PRKG1: variants seen among roughly 807,000 people sequenced by gnomAD.
The protein encoded by PRKG1 is cGMP-dependent protein kinase 1.
Under a neutral mutation model 88.1 loss-of-function variants are expected in PRKG1, and 35 were observed. The ratio of observed to expected loss-of-function variants is 0.40; its 90% confidence interval spans 0.30 to 0.53. The LOEUF (loss-of-function observed/expected upper bound fraction) is 0.53, where lower values mean the gene tolerates loss of function less well. Ranked by LOEUF, PRKG1 falls within the 20% of genes least tolerant of loss-of-function variation. PRKG1 has a pLI of 0.59. For synonymous variants in PRKG1, 303 were observed against 292.5 expected, an observed-to-expected ratio of 1.04 and a Z score of -0.37; for missense variants, 540 against 839.8, an observed-to-expected ratio of 0.64 and a Z score of 4.41.
intron 1 of PRKG1, among the ~76,000 whole-genome samples, chr10:51,105,759 A>G (rs780695824): frequency 5.9e-5 from 9 of 152,192 alleles, no homozygotes; most frequent in Admixed American, 2.6e-4. Context: ...AATTACTATA[A>G]CAATCAATTT....
At chr10:51,498,126 G>A (rs529465067) in intron 3 of PRKG1, among the ~76,000 whole-genome samples, 5 of 152,178 alleles carry the variant, frequency 3.3e-5, no homozygotes, top group South Asian at 2.1e-4. Context: ...GAACCTATTC[G>A]GTGTCAAGCA....
At chr10:51,937,076 T>C (rs771805355) in intron 5 of PRKG1, among the ~76,000 whole-genome samples, 2 of 152,006 alleles carry the variant, frequency 1.3e-5, no homozygotes, top group Non-Finnish European at 2.9e-5. Context: ...AGCTTTACAC[T>C]CTAGAGTTGG....
chr10:51,680,073 C>T (rs1354128538), intron 3 of PRKG1, among the ~76,000 whole-genome samples: 1 of 152,170 alleles, frequency 6.6e-6, no homozygotes. Flanking sequence ...GGCCACAGGC[C>T]ACACACGGGC....
At chr10:51,695,425 T>C (rs908114653) in intron 3 of PRKG1, 1 of 152,178 alleles carries the variant, frequency 6.6e-6, no homozygotes, top group South Asian at 2.1e-4. Flanking sequence ...CCCATGTATA[T>C]CCAGAATGGA....
chr10:51,724,110 T>C lies in PRKG1; in HGVS notation c.593-80475T>C, dbSNP rs573847951. ...CATATTTCCAGTATTTCAAAGATCA[T>C]AGAGGGGGTAAAAAAGCAGGTGAAA... On this transcript the variant is annotated intron_variant, in intron 3 of 17. Transcript: ENST00000373980. Among the ~76,000 whole-genome samples, 11 of 152,180 alleles carry C rather than the reference T, an allele frequency of 7.2e-5. No homozygotes were observed. In the South Asian group the frequency reaches 2.1e-3, roughly 29 times the overall value.
intron 3 of PRKG1, among the ~76,000 whole-genome samples, chr10:51,550,557 C>T (rs1447179977): frequency 6.6e-6 from 1 of 151,932 alleles, no homozygotes; most frequent in Admixed American, 6.6e-5. Flanking sequence ...TGCTAGTTTT[C>T]AAACTTACCA....
At chr10:51,713,155 C>T (rs1259552300) in intron 3 of PRKG1, among the ~76,000 whole-genome samples, 1 of 152,088 alleles carries the variant, frequency 6.6e-6, no homozygotes, top group African/African-American at 2.4e-5. Flanking sequence ...ATGTTTTATT[C>T]CCCCAAAGGA....
chr10:51,464,794 G>A (rs1390103369), intron 2 of PRKG1, among the ~76,000 whole-genome samples: 2 of 149,450 alleles, frequency 1.3e-5, no homozygotes, highest in Non-Finnish European at 3.0e-5. Flanking sequence ...GGGAGGCTGA[G>A]GCAGGAGAAT....
At chr10:52,200,819 A>AT (rs1839644929) in intron 9 of PRKG1, among the ~76,000 whole-genome samples, 3 of 152,044 alleles carry the variant, frequency 2.0e-5, no homozygotes, top group East Asian at 1.9e-4. Flanking sequence ...GATGTTGAGC[A>AT]TTTTTTTCTT....
At chr10:51,085,528 ACT>A (rs2131856189) in intron 1 of PRKG1, among the ~76,000 whole-genome samples, 1 of 152,006 alleles carries the variant, frequency 6.6e-6, no homozygotes, top group East Asian at 1.9e-4. Flanking sequence ...GGTAATTGCT[ACT>A]CTTTTATTTT....
At chr10:51,319,292 C>T (rs141341195) in intron 2 of PRKG1, among the ~76,000 whole-genome samples, 447 of 152,288 alleles carry the variant, frequency 2.9e-3, no homozygotes, top group Non-Finnish European at 4.9e-3. Flanking sequence ...AAGCTCTATT[C>T]CTCCAGGGAA....
chr10:52,289,044 G>T, intron 16 of PRKG1, 51 bp downstream of exon 16: 3 of 1,522,926 alleles, frequency 2.0e-6, no homozygotes, highest in South Asian at 1.2e-5. Context: ...TTTCCCCAGG[G>T]TGTTGCTTTT....
intron 3 of PRKG1, among the ~76,000 whole-genome samples, chr10:51,485,314 A>T (rs1554814797): frequency 6.6e-6 from 1 of 152,202 alleles, no homozygotes; most frequent in Non-Finnish European, 1.5e-5. Context: ...AACTACTTGG[A>T]ATTCTTCACA....
chr10:51,291,889 A>C (rs181587334), intron 2 of PRKG1, among the ~76,000 whole-genome samples: 27 of 152,208 alleles, frequency 1.8e-4, no homozygotes, highest in African/African-American at 6.0e-4. Context: ...TCCTTGAGAC[A>C]GTGAATTGCC....
Position 51,074,783 on chromosome 10 carries a change from G to T in PRKG1, c.193G>T (p.Ala65Ser). 14 of 1,614,038 alleles carry T rather than the reference G, an allele frequency of 8.7e-6. No individual in the cohort carries two copies. The highest frequency in any genetic ancestry group is 1.2e-5 in the Non-Finnish European group (14 of 1,179,952). The change falls in exon 1 of 18, where the codon GCG becomes TCG. Residue 65 changes from alanine (A) to serine (S), a missense_variant. Physicochemically the swap from Ala to Ser is moderately conservative, Grantham distance 99 (BLOSUM62 1). This residue lies in a region of PRKG1 where 400 missense variants were observed against 562.7 expected (regional missense o/e 0.71). Transcript: ENST00000373980. ...CACCCAGCAGGCGCAGAAGCAGAGC[G>T]CGAGCACCTTGCAGGGCGAGCCGCG... ...PATQQAQKQS[A>S]STLQGEPRTK...
intron 9 of PRKG1, among the ~76,000 whole-genome samples, chr10:52,171,431 G>A (rs1838672390): frequency 6.6e-6 from 1 of 152,112 alleles, no homozygotes; most frequent in Non-Finnish European, 1.5e-5. Flanking sequence ...TCAGAAGGCA[G>A]CCCCATTTTC....
At chr10:51,305,676 G>A (rs1358394589) in intron 2 of PRKG1, among the ~76,000 whole-genome samples, 2 of 152,266 alleles carry the variant, frequency 1.3e-5, no homozygotes, top group Non-Finnish European at 2.9e-5. Flanking sequence ...TTATAGCCAT[G>A]TGAACACCAA....
At chr10:51,960,060 C>A (rs1843408165) in intron 5 of PRKG1, among the ~76,000 whole-genome samples, 3 of 151,262 alleles carry the variant, frequency 2.0e-5, no homozygotes, top group South Asian at 4.2e-4. Flanking sequence ...GCAGAAACTT[C>A]TAGACATCAT....
chr10:51,816,115 G>A (rs774882124), intron 4 of PRKG1, among the ~76,000 whole-genome samples: 1 of 152,124 alleles, frequency 6.6e-6, no homozygotes, highest in Non-Finnish European at 1.5e-5. Flanking sequence ...TTTTACTAAG[G>A]CATTTCCATT....
Sources: gnomAD v4.1 joint callset for allele counts (sites outside exome capture counted in the v4.1 genomes callset) on GRCh38, gnomAD v4.1.1 for gene constraint, gnomAD v4.1.1 regional missense constraint, MANE v1.5 for transcripts, NCBI Gene and HGNC (gene_info 2026-07-23, HGNC 2026-07-21) for gene names.